The following PUS7 variants were observed in gnomAD, a reference collection of about 807,000 sequenced individuals.
PUS7 encodes the protein pseudouridine synthase 7, also known as pseudouridylate synthase 7 homolog.
PUS7 carries 48 observed loss-of-function variants against 79.8 expected under a neutral mutation model. The observed-to-expected ratio is 0.60, with a 90% CI of 0.48 to 0.76. The LOEUF is 0.76. Among genes scored for constraint, PUS7 ranks in the 30% least tolerant of loss-of-function variants. The pLI is 0.00. For missense variants in PUS7, 729 were observed against 797.6 expected (o/e 0.91, Z 1.04); for synonymous variants, 286 against 272.2 (o/e 1.05, Z -0.50).
chr7:105,466,704 T>A (rs977073721), intron 12 of PUS7, among the ~76,000 whole-genome samples: 1 of 149,270 alleles, frequency 6.7e-6, no homozygotes, highest in Non-Finnish European at 1.5e-5. Flanking sequence ...TACTACAAAA[T>A]CGTATTTGCA....
intron 9 of PUS7, among the ~76,000 whole-genome samples, chr7:105,477,522 G>T (rs1824161964): frequency 6.6e-6 from 1 of 151,958 alleles, no homozygotes; most frequent in Non-Finnish European, 1.5e-5. Flanking sequence ...CAAAGGGCTG[G>T]GATTACGGGC....
intron 6 of PUS7, among the ~76,000 whole-genome samples, chr7:105,493,081 A>C (rs1824863728): frequency 6.6e-6 from 1 of 152,264 alleles, no homozygotes; most frequent in Non-Finnish European, 1.5e-5. Context: ...ACATTACATA[A>C]GACAGTGAAA....
In PUS7 at chr7:105,456,754, A is replaced by G. The variant is rs1043727444; in HGVS notation, c.*1036T>C. 5 of 152,184 alleles carry G rather than the reference A, an allele frequency of 3.3e-5. No homozygotes were observed. The highest frequency in any genetic ancestry group is 1.2e-4 in the African/African-American group (5 of 41,448). 9.4% of individuals were successfully genotyped at this position (152,184 alleles called of 1,614,324 possible). Reference sequence around the variant, plus strand: ...ATAGAAGAAAGCCTTGTCCATTTTTATAGTTTTCTTCTCTACCATTATTTA... The same window carrying G: ...ATAGAAGAAAGCCTTGTCCATTTTTGTAGTTTTCTTCTCTACCATTATTTA... On this transcript the variant is annotated 3_prime_UTR_variant, in exon 16 of 16. Coordinates refer to ENST00000469408, the MANE Select transcript of PUS7 (RefSeq NM_019042.5).
chr7:105,502,770 G>C (rs1825307539), intron 4 of PUS7, among the ~76,000 whole-genome samples: 1 of 152,194 alleles, frequency 6.6e-6, no homozygotes, highest in African/African-American at 2.4e-5. Flanking sequence ...AGTGATCTCA[G>C]CTCACTGCAA....
chr7:105,516,459 T>C (rs1825898764), intron 1 of PUS7, among the ~76,000 whole-genome samples: 2 of 151,970 alleles, frequency 1.3e-5, no homozygotes, highest in African/African-American at 2.4e-5. Flanking sequence ...TTTTTTTTTT[T>C]TGAGACGGAG....
At chr7:105,483,611 G>A (rs1014194120) in intron 7 of PUS7, among the ~76,000 whole-genome samples, 3 of 151,852 alleles carry the variant, frequency 2.0e-5, no homozygotes, top group Admixed American at 6.6e-5. Context: ...TTCTGCCTGA[G>A]CCTCCCGAGT....
chr7:105,512,189 GAAATT>G (rs1825731705), intron 1 of PUS7, among the ~76,000 whole-genome samples: 1 of 134,286 alleles, frequency 7.4e-6, no homozygotes, highest in Non-Finnish European at 1.6e-5. Context: ...TGAAAGACAA[GAAATT>G]AAATACAGAA....
intron 5 of PUS7, among the ~76,000 whole-genome samples, chr7:105,500,305 C>CA (rs1034629791): frequency 1.3e-4 from 20 of 151,506 alleles, no homozygotes; most frequent in Admixed American, 3.3e-4. Flanking sequence ...ACAACAACAA[C>CA]AAAAAAAAGA....
At chr7:105,489,147 CAAAA>C (rs762504334) in intron 7 of PUS7, among the ~76,000 whole-genome samples, 2 of 33,710 alleles carry the variant, frequency 5.9e-5, no homozygotes, top group African/African-American at 1.9e-4. Context: ...AACTCCATCT[CAAAA>C]AAAAAAAAAA....
rs151128880 is a variant in PUS7, at chr7:105,493,732, G to A, written c.842+1410C>T. Among the ~76,000 whole-genome samples, 484 of 152,260 alleles carry A rather than the reference G, an allele frequency of 3.2e-3. 14 individuals carry two copies. Among genetic ancestry groups the A allele is most frequent in the Admixed American group, 0.028 (424 of 15,288 alleles). The stretch of plus-strand genomic sequence containing the variant: ...GATACCAGGGGTGTGCGTGCACAGG[G>A]AAAATGCCACATGAAGACACAGTGA... On this transcript the variant is annotated intron_variant, in intron 6 of 15. Coordinates refer to ENST00000469408, the MANE Select transcript of PUS7 (RefSeq NM_019042.5).
In PUS7 at chr7:105,480,518, T is replaced by C. The variant is rs955210559; in HGVS notation, c.1175+534A>G. Among the ~76,000 whole-genome samples, 8 of 152,168 alleles carry C rather than the reference T, an allele frequency of 5.3e-5. No individual in the cohort carries two copies. In the South Asian group the frequency reaches 8.3e-4, roughly 16 times the overall value. ...ATAGCTGGGTGTGGAGGCTCATGCC[T>C]GTAATCCCAGCAGTTTGGGAGGCTG... On this transcript the variant is annotated intron_variant, in intron 9 of 15. Coordinates refer to ENST00000469408, the MANE Select transcript of PUS7 (RefSeq NM_019042.5).
chr7:105,464,206 T>A (rs1823546303), intron 13 of PUS7, among the ~76,000 whole-genome samples: 1 of 151,194 alleles, frequency 6.6e-6, no homozygotes, highest in Non-Finnish European at 1.5e-5. Context: ...AAAATAATGT[T>A]TTCTTTCTTA....
chr7:105,486,836 A>C (rs946631088), intron 7 of PUS7, among the ~76,000 whole-genome samples: 1 of 151,822 alleles, frequency 6.6e-6, no homozygotes, highest in African/African-American at 2.4e-5. Context: ...AAAGTGGCTG[A>C]ATTGCTTGAG....
chr7:105,517,471 A>G (rs1825941331), intron 1 of PUS7, among the ~76,000 whole-genome samples: 1 of 152,108 alleles, frequency 6.6e-6, no homozygotes, highest in African/African-American at 2.4e-5. Context: ...AATCCTTCAC[A>G]TTTCTTTGGA....
intron 1 of PUS7, among the ~76,000 whole-genome samples, chr7:105,510,792 G>C (rs1370278925): frequency 6.6e-6 from 1 of 152,076 alleles, no homozygotes; most frequent in Non-Finnish European, 1.5e-5. Context: ...TGGGATTTCA[G>C]GCATGAGCCA....
At chr7:105,465,491 C>T in intron 12 of PUS7, 77 bp from the exon 13 acceptor site, 1 of 1,086,718 alleles carries the variant, frequency 9.2e-7, no homozygotes, top group Non-Finnish European at 1.4e-6. Context: ...AAATTATATA[C>T]ATCTAAGCAA....
At chr7:105,471,912 C>CAA (rs59389623) in intron 10 of PUS7, among the ~76,000 whole-genome samples, 6 of 77,104 alleles carry the variant, frequency 7.8e-5, no homozygotes, top group African/African-American at 7.3e-5. Context: ...AACTCCTTAT[C>CAA]AAAAAAAAAA....
intron 7 of PUS7, 84 bp from the exon 8 acceptor site, chr7:105,482,524 C>T: frequency 7.1e-7 from 1 of 1,412,010 alleles, no homozygotes; most frequent in Non-Finnish European, 9.6e-7. Context: ...TGGAACAGTA[C>T]AGAAAACAAG....
chr7:105,510,458 C>G (rs1404877), intron 1 of PUS7, among the ~76,000 whole-genome samples: 5 of 151,988 alleles, frequency 3.3e-5, no homozygotes, highest in East Asian at 1.9e-4. Flanking sequence ...ATAGTGATTG[C>G]CTAACAATGT....
Sources: gnomAD v4.1 joint callset for allele counts (sites outside exome capture counted in the v4.1 genomes callset) on GRCh38, gnomAD v4.1.1 for gene constraint, MANE v1.5 for transcripts, NCBI Gene and HGNC (gene_info 2026-07-23, HGNC 2026-07-21) for gene names.